MAP4: variants seen among roughly 807,000 people sequenced by gnomAD.
MAP4 encodes microtubule associated protein 4.
MAP4 carries 76 observed loss-of-function variants against 170.2 expected under a neutral mutation model. The observed-to-expected ratio is 0.45, with a 90% CI of 0.37 to 0.54. MAP4 has a LOEUF of 0.54. Among genes scored for constraint, MAP4 ranks in the 20% least tolerant of loss-of-function variants. MAP4 has a pLI of 0.00. For missense variants in MAP4, 2,506 were observed against 2,748.0 expected (o/e 0.91, Z 1.97); for synonymous variants, 909 against 994.5 (o/e 0.91, Z 1.62).
At chr3:47,939,130 A>C (rs2100054798) in intron 3 of MAP4, among the ~76,000 whole-genome samples, 1 of 152,040 alleles carries the variant, frequency 6.6e-6, no homozygotes, top group Admixed American at 6.6e-5. Context: ...TCCCTGATCC[A>C]ATTCCAAAGC....
At chr3:47,987,294 T>C in intron 2 of MAP4, 1 of 920,870 alleles carries the variant, frequency 1.1e-6, no homozygotes, top group South Asian at 2.0e-5. Flanking sequence ...CTAGAGCATG[T>C]TAATAAGTGT....
Position 47,902,977 on chromosome 3 carries a change from A to C in MAP4, c.5407T>G (p.Tyr1803Asp). ...TAAACTGACATTCCCAGCTGCTGGT[A>C]GACAGTTGATGAGCTCAAGCAAACT... is the stretch of plus-strand genomic sequence containing the variant. ...SAVCLSSSTVYQQLGMSVYGI... is the reference protein window; with the variant it reads ...SAVCLSSSTVDQQLGMSVYGI... Residue 1803 changes from tyrosine (Y) to aspartate (D), a missense_variant, in exon 10 of 21, where the codon TAC becomes GAC. By Grantham distance (160) the Tyr-to-Asp change is radical (BLOSUM62 -3). Coordinates refer to ENST00000683076, the MANE Select transcript of MAP4 (RefSeq NM_001385682.1). 1 of 985,286 alleles carries C rather than the reference A, an allele frequency of 1.0e-6. No homozygotes were observed. Among genetic ancestry groups the C allele is most frequent in the Non-Finnish European group, 1.2e-6 (1 of 829,800 alleles). 61.0% of individuals were successfully genotyped at this position (985,286 alleles called of 1,614,324 possible). A position where few individuals can be genotyped will look rare whatever the true frequency, so the allele number is the denominator to read the frequency against.
intron 1 of MAP4, among the ~76,000 whole-genome samples, chr3:48,055,188 CTCTCCCTCTCCG>C (rs1444095632): frequency 0.024 from 1,519 of 64,528 alleles, 12 homozygotes; most frequent in East Asian, 0.042. Flanking sequence ...CTCCCTCTCC[CTCTCCCTCTCCG>C]TCTCCGTCTC....
chr3:47,925,450 A>G (rs954060979), intron 4 of MAP4, among the ~76,000 whole-genome samples: 2 of 152,204 alleles, frequency 1.3e-5, no homozygotes, highest in Non-Finnish European at 2.9e-5. Context: ...AGACTGTGCC[A>G]CTGCACTCCA....
chr3:47,916,949 TGCA>T lies in MAP4; in HGVS notation c.875_877del (p.Met292_Gln293delinsLys). The T allele has an allele frequency of 6.2e-7, 1 of 1,614,236 alleles. No individual in the cohort carries two copies. The highest frequency in any genetic ancestry group is 8.5e-7 in the Non-Finnish European group (1 of 1,180,028). On this transcript the variant is annotated inframe_deletion, in exon 7 of 21. Transcript: ENST00000683076. ...GGCCATATCTGATTCCATGGATGGC[TGCA>T]TGTCCTTGGCCAGTGTCACATCTAA...
intron 9 of MAP4, among the ~76,000 whole-genome samples, chr3:47,907,402 C>T (rs1047918999): frequency 3.3e-5 from 5 of 151,782 alleles, no homozygotes; most frequent in Admixed American, 6.6e-5. Flanking sequence ...TTAACCTATT[C>T]GACAATTAGT....
intron 18 of MAP4, among the ~76,000 whole-genome samples, chr3:47,856,718 C>G (rs780318682): frequency 6.6e-6 from 1 of 152,376 alleles, no homozygotes; most frequent in African/African-American, 2.4e-5. Flanking sequence ...TGAGACACCG[C>G]GCCCGCCCTG....
intron 1 of MAP4, among the ~76,000 whole-genome samples, chr3:48,003,177 G>A (rs971991374): frequency 4.6e-5 from 7 of 151,876 alleles, no homozygotes; most frequent in African/African-American, 1.2e-4. Context: ...AATATGGGCC[G>A]GGCGCAATGG....
At chr3:48,088,214 C>G (rs2100150386) in intron 1 of MAP4, among the ~76,000 whole-genome samples, 1 of 151,452 alleles carries the variant, frequency 6.6e-6, no homozygotes, top group South Asian at 2.1e-4. Flanking sequence ...CTCCCACTGC[C>G]AGACACACGC....
At chr3:48,074,676 T>TTGTGTG (rs555691222) in intron 1 of MAP4, among the ~76,000 whole-genome samples, 3,055 of 90,536 alleles carry the variant, frequency 0.034, 114 homozygotes, top group Middle Eastern at 0.06. Flanking sequence ...ATCCAGCTAA[T>TTGTGTG]TGTGTGTGTG....
chr3:47,982,455 T>C (rs892123892), intron 2 of MAP4, among the ~76,000 whole-genome samples: 6 of 152,198 alleles, frequency 3.9e-5, no homozygotes, highest in African/African-American at 1.4e-4. Flanking sequence ...AACTAGATGA[T>C]GGAAACCAAA....
intron 1 of MAP4, among the ~76,000 whole-genome samples, chr3:48,084,622 G>A (rs1367468017): frequency 6.6e-6 from 1 of 150,720 alleles, no homozygotes; most frequent in Non-Finnish European, 1.5e-5. Flanking sequence ...CTTTCAGCAA[G>A]GCTGAAGTGC....
chr3:47,954,549 C>T (rs903984273), intron 3 of MAP4, among the ~76,000 whole-genome samples: 1 of 152,208 alleles, frequency 6.6e-6, no homozygotes, highest in Non-Finnish European at 1.5e-5. Context: ...AATTAACAAG[C>T]CCAGGTCCCC....
rs200721524 is a variant in MAP4, at chr3:47,914,966, C to T, written c.1877-27G>A. ...TAAAGGTAATAACAAAAGCCACACA[C>T]GTTTCAGAGAAGCATGATTTCAGCT... On this transcript the variant is annotated intron_variant, in intron 7 of 20. Coordinates refer to ENST00000683076, the MANE Select transcript of MAP4 (RefSeq NM_001385682.1). The T allele has an allele frequency of 1.6e-5, 26 of 1,613,630 alleles. No individual in the cohort carries two copies. The East Asian group carries it at 2.0e-4, about 12-fold the overall frequency.
At chr3:47,956,306 A>G (rs1209505357) in intron 3 of MAP4, among the ~76,000 whole-genome samples, 1 of 151,684 alleles carries the variant, frequency 6.6e-6, no homozygotes, top group Non-Finnish European at 1.5e-5. Context: ...AGAGCTCCAT[A>G]TGACCAGCTG....
chr3:47,993,191 G>A (rs2100093429), intron 2 of MAP4, among the ~76,000 whole-genome samples: 1 of 152,098 alleles, frequency 6.6e-6, no homozygotes, highest in Admixed American at 6.6e-5. Flanking sequence ...AGATGCAGTG[G>A]TCCGCACCTA....
chr3:47,855,855 A>C lies in MAP4; in HGVS notation c.6584-495T>G, dbSNP rs2054969659. ...AAGGGACTCACCCAGAGTTACCACC[A>C]ATCTGCTGATTGACAGTGACAGGTT... On this transcript the variant is annotated intron_variant, in intron 18 of 20. Transcript: ENST00000683076. The surrounding 1 kb of genome is among the most constrained non-coding windows in gnomAD (Gnocchi z 5.1). Among the ~76,000 whole-genome samples, 1 of 152,216 alleles carries C rather than the reference A, an allele frequency of 6.6e-6. No individual in the cohort carries two copies. Among genetic ancestry groups the C allele is most frequent in the Admixed American group, 6.5e-5 (1 of 15,284 alleles).
intron 1 of MAP4, among the ~76,000 whole-genome samples, chr3:48,055,335 C>A (rs2100130433): frequency 6.6e-6 from 1 of 152,218 alleles, no homozygotes; most frequent in South Asian, 2.1e-4. Flanking sequence ...CTGCCTCAGT[C>A]TGCCGAATGC....
chr3:47,930,886 G>C lies in MAP4; in HGVS notation c.293-2536C>G, dbSNP rs1040956441. Reference sequence around the variant, plus strand: ...AGAGCTTGCAGTGAGCGGAGATCACGCCACTGCACTCCGGCCTGGGTGACA... The same window carrying C: ...AGAGCTTGCAGTGAGCGGAGATCACCCCACTGCACTCCGGCCTGGGTGACA... On this transcript the variant is annotated intron_variant, in intron 3 of 20. Coordinates refer to ENST00000683076, the MANE Select transcript of MAP4 (RefSeq NM_001385682.1). Among the ~76,000 whole-genome samples, 50 of 147,266 alleles carry C rather than the reference G, an allele frequency of 3.4e-4. 1 individual carries two copies. The highest frequency in any genetic ancestry group is 2.6e-3 in the Admixed American group (38 of 14,626).
Sources: allele counts gnomAD v4.1 joint callset (sites outside exome capture counted in the v4.1 genomes callset), GRCh38; gene constraint gnomAD v4.1.1; non-coding constraint Gnocchi (gnomAD v3.1); transcripts MANE v1.5; gene names NCBI Gene and HGNC (gene_info 2026-07-23, HGNC 2026-07-21).